The following POLR3A variants were observed in gnomAD, a reference collection of about 807,000 sequenced individuals.
POLR3A encodes DNA-directed RNA polymerase III subunit RPC1.
A neutral mutation model predicts 152.8 loss-of-function variants in POLR3A; 112 were observed. That is an observed-to-expected ratio of 0.73 (90% CI 0.63 to 0.86). The LOEUF (loss-of-function observed/expected upper bound fraction) is 0.86, where lower values mean the gene tolerates loss of function less well. Ranked by LOEUF, POLR3A falls within the 40% of genes least tolerant of loss-of-function variation. The pLI is 0.00. For synonymous variants in POLR3A, 615 were observed against 652.1 expected (o/e 0.94, Z 0.87); for missense variants, 1,385 against 1,743.1 (o/e 0.79, Z 3.66).
At chr10:77,990,318 C>T (rs1364739753) in intron 21 of POLR3A, among the ~76,000 whole-genome samples, 1 of 151,986 alleles carries the variant, frequency 6.6e-6, no homozygotes, top group African/African-American at 2.4e-5. Context: ...CACAATACAG[C>T]AAAAGAAAGA....
chr10:77,978,206 A>C (rs1288545379), intron 30 of POLR3A, among the ~76,000 whole-genome samples: 1 of 152,196 alleles, frequency 6.6e-6, no homozygotes, highest in Non-Finnish European at 1.5e-5. Context: ...TTACAGGATC[A>C]AGGGGGTGGT....
chr10:78,002,554 C>A (rs958549716), intron 16 of POLR3A, among the ~76,000 whole-genome samples: 1 of 152,018 alleles, frequency 6.6e-6, no homozygotes, highest in East Asian at 1.9e-4. Flanking sequence ...TTGTTGGAGA[C>A]AGGATCTCAC....
rs542680849 is a variant in POLR3A, at chr10:78,024,520, G to A, written c.645+29C>T. 190 of 1,607,060 alleles carry A rather than the reference G, an allele frequency of 1.2e-4. No individual in the cohort carries two copies. In the East Asian group the frequency reaches 3.4e-3, roughly 29 times the overall value. Reference sequence around the variant, plus strand: ...CGGAAGAGGCAGGCGGGAGGCAGGCGGAAGGCAGGCGTGCATTCTCAGGCT... The same window carrying A: ...CGGAAGAGGCAGGCGGGAGGCAGGCAGAAGGCAGGCGTGCATTCTCAGGCT... On this transcript the variant is annotated intron_variant, in intron 5 of 30. Coordinates refer to ENST00000372371, the MANE Select transcript of POLR3A (RefSeq NM_007055.4).
chr10:78,022,481 A>C, intron 5 of POLR3A, 97 bp from the exon 6 acceptor site: 5 of 1,263,972 alleles, frequency 4.0e-6, no homozygotes, highest in Non-Finnish European at 5.7e-6. Context: ...CCTATCTGTC[A>C]CTAAGGATAA....
At chr10:77,983,789 C>CAAAAACCAGAAACCACACAGAA in intron 26 of POLR3A, 131 bp downstream of exon 26, 2 of 713,782 alleles carry the variant, frequency 2.8e-6, no homozygotes, top group Non-Finnish European at 5.1e-6. Flanking sequence ...AACAGAATCA[C>CAAAAACCAGAAACCACACAGAA]AAAAACCAGA....
At chr10:77,999,932 A>C in intron 19 of POLR3A, 49 bp downstream of exon 19, 1 of 1,590,744 alleles carries the variant, frequency 6.3e-7, no homozygotes, top group Non-Finnish European at 8.6e-7. Context: ...CAAAACCCAC[A>C]GAGCTCTGTC....
At chr10:78,021,018 A>G (rs987035675) in intron 8 of POLR3A, among the ~76,000 whole-genome samples, 1 of 152,180 alleles carries the variant, frequency 6.6e-6, no homozygotes, top group Non-Finnish European at 1.5e-5. Context: ...CCCAGGCTAG[A>G]GTGCATTGAC....
At chr10:77,999,435 T>C (rs1847334078) in intron 19 of POLR3A, among the ~76,000 whole-genome samples, 1 of 152,130 alleles carries the variant, frequency 6.6e-6, no homozygotes, top group Non-Finnish European at 1.5e-5. Context: ...GGTACTTTTG[T>C]GGTAAAGTTT....
At chr10:78,017,410 G>A (rs1270183453) in intron 10 of POLR3A, among the ~76,000 whole-genome samples, 165 bp downstream of exon 10, 4 of 151,598 alleles carry the variant, frequency 2.6e-5, no homozygotes, top group Non-Finnish European at 2.9e-5. Flanking sequence ...TTGTGTCACT[G>A]CACTCCAACC....
intron 11 of POLR3A, 97 bp from the exon 12 acceptor site, chr10:78,010,637 A>T: frequency 2.3e-6 from 2 of 870,426 alleles, no homozygotes; most frequent in Non-Finnish European, 3.9e-6. Flanking sequence ...ATGAACAAAT[A>T]CAGAGTAGCA....
chr10:77,993,992 T>A (rs1847273733), intron 19 of POLR3A, among the ~76,000 whole-genome samples: 1 of 152,206 alleles, frequency 6.6e-6, no homozygotes, highest in East Asian at 1.9e-4. Context: ...AAATCCCTTA[T>A]GCCAGAACTA....
chr10:78,000,232 T>G, intron 18 of POLR3A, 114 bp from the exon 19 acceptor site: 226 of 808,584 alleles, frequency 2.8e-4, no homozygotes, highest in Non-Finnish European at 3.7e-4. Context: ...ACCTGGCCAG[T>G]ATATTCTCAC....
chr10:78,004,324 G>A (rs1174680096), intron 16 of POLR3A, among the ~76,000 whole-genome samples: 2 of 152,186 alleles, frequency 1.3e-5, no homozygotes, highest in Non-Finnish European at 2.9e-5. Context: ...TCTACTTGAA[G>A]GATGCTGAAA....
chr10:77,993,485 CTTTA>C (rs1157255756), intron 19 of POLR3A, 118 bp from the exon 20 acceptor site: 1 of 772,606 alleles, frequency 1.3e-6, no homozygotes, highest in Non-Finnish European at 2.2e-6. Context: ...CATAAAAATA[CTTTA>C]TTAGAAACCC....
At chr10:78,026,003 G>T in intron 2 of POLR3A, 91 bp downstream of exon 2, 1 of 1,514,180 alleles carries the variant, frequency 6.6e-7, no homozygotes, top group Non-Finnish European at 9.1e-7. Flanking sequence ...TGAGGAGATG[G>T]AAGGAAGCCC....
intron 10 of POLR3A, among the ~76,000 whole-genome samples, chr10:78,017,346 C>CT (rs1847534746): frequency 6.6e-6 from 1 of 151,866 alleles, no homozygotes; most frequent in Non-Finnish European, 1.5e-5. Flanking sequence ...ACTTTGGGGG[C>CT]TGAGGTGGGA....
chr10:77,987,142 T>C (rs1173616863), intron 21 of POLR3A, among the ~76,000 whole-genome samples: 4 of 152,128 alleles, frequency 2.6e-5, no homozygotes, highest in African/African-American at 9.7e-5. Context: ...CATCACGGAC[T>C]ACAGACTGGC....
chr10:78,002,589 T>C (rs1004422508), intron 16 of POLR3A, among the ~76,000 whole-genome samples: 2 of 152,124 alleles, frequency 1.3e-5, no homozygotes, highest in African/African-American at 4.8e-5. Flanking sequence ...TGGTGTACAA[T>C]GGCATAATCA....
intron 3 of POLR3A, among the ~76,000 whole-genome samples, chr10:78,025,393 C>T (rs1395338363): frequency 6.6e-6 from 1 of 152,156 alleles, no homozygotes; most frequent in Non-Finnish European, 1.5e-5. Context: ...TGAATTACTA[C>T]TATTGTTATT....
Sources: allele counts gnomAD v4.1 joint callset (sites outside exome capture counted in the v4.1 genomes callset), GRCh38; gene constraint gnomAD v4.1.1; transcripts MANE v1.5; gene names NCBI Gene and HGNC (gene_info 2026-07-23, HGNC 2026-07-21).